The following CDK14 variants were observed in gnomAD, a reference collection of about 807,000 sequenced individuals.
CDK14 encodes the protein cyclin dependent kinase 14.
CDK14 carries 34 observed loss-of-function variants against 60.7 expected under a neutral mutation model. That is an observed-to-expected ratio of 0.56 (90% CI 0.43 to 0.75). The LOEUF (loss-of-function observed/expected upper bound fraction) is 0.75. Ranked by LOEUF, CDK14 falls within the 30% of genes least tolerant of loss-of-function variation. The pLI is 0.00. For missense variants in CDK14, 482 were observed against 564.1 expected (o/e 0.85, Z 1.47); for synonymous variants, 197 against 203.7 (o/e 0.97, Z 0.28).
At chr7:90,805,085 G>T (rs1263829499) in intron 5 of CDK14, among the ~76,000 whole-genome samples, 2 of 151,884 alleles carry the variant, frequency 1.3e-5, no homozygotes, top group Admixed American at 1.3e-4. Context: ...ATTTACACTG[G>T]GATTTTTAAA....
intron 1 of CDK14, among the ~76,000 whole-genome samples, chr7:90,597,948 T>C (rs1296434603): frequency 6.6e-6 from 1 of 151,944 alleles, no homozygotes; most frequent in Admixed American, 6.6e-5. Context: ...ATTTATTGCA[T>C]GTATTGGATA....
chr7:91,112,798 A>C, intron 13 of CDK14, 117 bp downstream of exon 13: 1 of 1,057,474 alleles, frequency 9.5e-7, no homozygotes, highest in South Asian at 1.5e-5. Context: ...ACATAAGATA[A>C]TGTATGTTTG....
chr7:91,093,985 G>C (rs1562901832), intron 12 of CDK14, among the ~76,000 whole-genome samples: 1 of 152,072 alleles, frequency 6.6e-6, no homozygotes, highest in Non-Finnish European at 1.5e-5. Flanking sequence ...GAGTATTCAT[G>C]GACACAAAGA....
chr7:91,053,965 A>G (rs1797474105), intron 11 of CDK14, among the ~76,000 whole-genome samples: 1 of 151,656 alleles, frequency 6.6e-6, no homozygotes. Flanking sequence ...GAGATAAACT[A>G]TTTTTACATT....
At chr7:90,610,134 A>G (rs971187832) in intron 2 of CDK14, among the ~76,000 whole-genome samples, 8 of 152,022 alleles carry the variant, frequency 5.3e-5, no homozygotes, top group Admixed American at 3.9e-4. Flanking sequence ...TCCCATTCTC[A>G]TAGTCCATAA....
At position 91,015,791 on chromosome 7, in the gene CDK14, C is replaced by CAA. The variant is rs74909689; in HGVS notation, c.1042-30097_1042-30096dup. ...ATGAATCAGTTCTGTGTTTATATAC[C>CAA]AAAAAAAAAAGGCATATAAACATTT... On this transcript the variant is annotated intron_variant, in intron 10 of 14. Transcript: ENST00000380050. Among the ~76,000 whole-genome samples the CAA allele has an allele frequency of 5.7e-5, 8 of 140,484 alleles. No individual in the cohort carries two copies. The East Asian group carries it at 1.4e-3, about 25-fold the overall frequency. The allele number at this position is 140,484 out of a possible 152,430, so 92.2% of individuals were successfully genotyped here.
intron 14 of CDK14, among the ~76,000 whole-genome samples, chr7:91,123,270 T>C (rs891245581): frequency 1.3e-5 from 2 of 152,168 alleles, no homozygotes; most frequent in Non-Finnish European, 1.5e-5. Flanking sequence ...ACTAGGAAGA[T>C]TTCTGGGGTT....
intron 12 of CDK14, among the ~76,000 whole-genome samples, chr7:91,105,381 TC>T (rs1246517409): frequency 1.3e-5 from 2 of 152,230 alleles, no homozygotes; most frequent in African/African-American, 4.8e-5. Flanking sequence ...AATAACTGCT[TC>T]CAACAAAGAA....
intron 14 of CDK14, among the ~76,000 whole-genome samples, chr7:91,140,905 CTT>C (rs958432975): frequency 8.6e-5 from 13 of 150,760 alleles, no homozygotes; most frequent in Non-Finnish European, 1.8e-4. Flanking sequence ...TTTTCCATTT[CTT>C]TTACCTAAAA....
chr7:91,048,404 G>A (rs1194893931), intron 11 of CDK14, among the ~76,000 whole-genome samples: 1 of 152,100 alleles, frequency 6.6e-6, no homozygotes, highest in Admixed American at 6.6e-5. Flanking sequence ...TCACTAATTA[G>A]GGACAGTTGG....
intron 2 of CDK14, among the ~76,000 whole-genome samples, chr7:90,608,004 A>G (rs1202743031): frequency 6.6e-6 from 1 of 152,190 alleles, no homozygotes; most frequent in African/African-American, 2.4e-5. Flanking sequence ...GGAGAAACAC[A>G]TGGTTAAGCT....
At chr7:90,640,347 GA>G (rs1800295839) in intron 2 of CDK14, among the ~76,000 whole-genome samples, 1 of 152,020 alleles carries the variant, frequency 6.6e-6, no homozygotes, top group African/African-American at 2.4e-5. Context: ...TAATCTAGAA[GA>G]AAAATATTAA....
At chr7:91,180,909 T>C (rs1801981562) in intron 14 of CDK14, among the ~76,000 whole-genome samples, 1 of 152,206 alleles carries the variant, frequency 6.6e-6, no homozygotes, top group African/African-American at 2.4e-5. Flanking sequence ...GCTTCAACAA[T>C]TACCAACTTT....
At chr7:90,645,818 A>T (rs1235169240) in intron 2 of CDK14, among the ~76,000 whole-genome samples, 1 of 152,246 alleles carries the variant, frequency 6.6e-6, no homozygotes, top group African/African-American at 2.4e-5. Flanking sequence ...AAAAAGAGAA[A>T]AAAGAACGTT....
At chr7:90,859,098 A>T (rs1313760689) in intron 5 of CDK14, among the ~76,000 whole-genome samples, 2 of 152,316 alleles carry the variant, frequency 1.3e-5, no homozygotes, top group African/African-American at 4.8e-5. Flanking sequence ...TGTAGGGCAG[A>T]AGAGAAGTCC....
chr7:91,189,958 C>T (rs1482616522), intron 14 of CDK14, among the ~76,000 whole-genome samples: 5 of 152,154 alleles, frequency 3.3e-5, no homozygotes, highest in Admixed American at 6.5e-5. Flanking sequence ...TCATCACTTT[C>T]CTCATTTCCT....
At chr7:90,914,232 TC>T (rs1257642506) in intron 7 of CDK14, among the ~76,000 whole-genome samples, 1 of 152,170 alleles carries the variant, frequency 6.6e-6, no homozygotes, top group Non-Finnish European at 1.5e-5. Flanking sequence ...AGTAATGAAT[TC>T]TGTTTTCAGA....
intron 11 of CDK14, among the ~76,000 whole-genome samples, chr7:91,053,646 C>G (rs747550005): frequency 5.9e-4 from 90 of 152,326 alleles, no homozygotes; most frequent in Middle Eastern, 3.4e-3. Flanking sequence ...CACATACTAT[C>G]GGAACTGCCC....
At chr7:90,975,324 T>C (rs1275985649) in intron 9 of CDK14, among the ~76,000 whole-genome samples, 2 of 151,948 alleles carry the variant, frequency 1.3e-5, no homozygotes, top group Non-Finnish European at 2.9e-5. Flanking sequence ...CTTCAAATAC[T>C]TTCATATTAA....
Sources: gnomAD v4.1 joint callset for allele counts (sites outside exome capture counted in the v4.1 genomes callset) on GRCh38, gnomAD v4.1.1 for gene constraint, MANE v1.5 for transcripts, NCBI Gene and HGNC (gene_info 2026-07-23, HGNC 2026-07-21) for gene names.